ZNF709: variants seen among roughly 807,000 people sequenced by gnomAD.
The protein encoded by ZNF709 is zinc finger protein 709.
In ZNF709, 15 loss-of-function variants were observed where a neutral mutation model predicts 10.6. The observed-to-expected ratio is 1.41, with a 90% CI of 0.95 to 2.18. The LOEUF is 2.18. Ranked by LOEUF, ZNF709 falls within the 30% of genes most tolerant of loss-of-function variation. The pLI, the probability that ZNF709 is intolerant of heterozygous loss-of-function variation, is 0.00. For synonymous variants in ZNF709, 194 were observed against 238.8 expected (o/e 0.81, Z 1.73); for missense variants, 589 against 774.0 (o/e 0.76, Z 2.84).
chr19:12,465,777 T>C (rs1970565259), intron 3 of ZNF709, 44 bp from the exon 4 acceptor site: 1 of 1,312,060 alleles, frequency 7.6e-7, no homozygotes. Flanking sequence ...AGTGGCTTTT[T>C]AAAATTAATA....
At chr19:12,468,024 TG>T (rs1245747136) in intron 1 of ZNF709, among the ~76,000 whole-genome samples, 74 of 112,022 alleles carry the variant, frequency 6.6e-4, no homozygotes, top group African/African-American at 2.4e-3. Context: ...GGGAGGGAGG[TG>T]GGGGGTCAGC....
chr19:12,468,986 G>A (rs926320822), intron 1 of ZNF709, among the ~76,000 whole-genome samples: 2 of 151,722 alleles, frequency 1.3e-5, no homozygotes, highest in African/African-American at 2.4e-5. Flanking sequence ...GACTACTGGC[G>A]CCCGCCACTA....
chr19:12,467,962 C>T lies in ZNF709; in HGVS notation c.4-1112G>A, dbSNP rs2065766691. Among the ~76,000 whole-genome samples, 2 of 151,838 alleles carry T rather than the reference C, an allele frequency of 1.3e-5. 1 individual carries two copies. The highest frequency in any genetic ancestry group is 4.8e-5 in the African/African-American group (2 of 41,276). ...GTCAGCCCCCGCACGGCCAGCCGCC[C>T]CGTCCGGGAGGGAGGTGGGGGTCAG... On this transcript the variant is annotated intron_variant, in intron 1 of 3. Transcript: ENST00000397732.
intron 1 of ZNF709, among the ~76,000 whole-genome samples, chr19:12,483,735 C>T (rs977380015): frequency 1.3e-5 from 2 of 151,934 alleles, no homozygotes; most frequent in Non-Finnish European, 2.9e-5. Context: ...GACGGGGTTT[C>T]GCCATGTTGG....
chr19:12,464,459 G>T lies in ZNF709; in HGVS notation c.1463C>A (p.Ser488Tyr), dbSNP rs746415202. 2 of 1,612,088 alleles carry T rather than the reference G, an allele frequency of 1.2e-6. No individual in the cohort carries two copies. Among genetic ancestry groups the T allele is most frequent in the Non-Finnish European group, 1.7e-6 (2 of 1,179,158 alleles). The change falls in exon 4 of 4, where the codon TCT (serine) becomes TAT (tyrosine). Residue 488 changes from serine (S) to tyrosine (Y), a missense_variant. By Grantham distance (144) the Ser-to-Tyr change is moderately radical (BLOSUM62 -2). Around this residue, in one of 2 missense-constraint regions of ZNF709, gnomAD observed 171 missense variants for 277.7 expected, o/e 0.62. Transcript: ENST00000397732. ...CCTTTCATGCATCCGAAAGGAACTA[G>T]AAAAACTAAAGGCTTTACCACACTG... is the stretch of plus-strand genomic sequence containing the variant. ...CKQCGKAFSF[S>Y]SSFRMHERTH...
At chr19:12,471,986 TA>T (rs1970637798) in intron 1 of ZNF709, among the ~76,000 whole-genome samples, 1 of 151,514 alleles carries the variant, frequency 6.6e-6, no homozygotes, top group African/African-American at 2.4e-5. Flanking sequence ...AGGAAAAAAA[TA>T]TGTGACATAC....
At chr19:12,482,221 T>G (rs1198480840) in intron 1 of ZNF709, among the ~76,000 whole-genome samples, 1 of 151,148 alleles carries the variant, frequency 6.6e-6, no homozygotes, top group Non-Finnish European at 1.5e-5. Context: ...TCCCTCTCCC[T>G]CTCAAGTCAG....
At chr19:12,473,480 G>A (rs1214696282) in intron 1 of ZNF709, among the ~76,000 whole-genome samples, 1 of 152,146 alleles carries the variant, frequency 6.6e-6, no homozygotes, top group Non-Finnish European at 1.5e-5. Context: ...TAAGCCAGAG[G>A]AGAACATCAA....
intron 1 of ZNF709, among the ~76,000 whole-genome samples, chr19:12,480,422 G>A (rs565859286): frequency 4.6e-5 from 7 of 152,280 alleles, no homozygotes; most frequent in Middle Eastern, 3.4e-3. Flanking sequence ...AGTGGCTCAC[G>A]CCTGTAATCC....
In ZNF709 at chr19:12,484,735, C is replaced by T; in HGVS notation, c.-78G>A. The T allele has an allele frequency of 1.2e-6, 2 of 1,602,842 alleles. No homozygotes were observed. The highest frequency in any genetic ancestry group is 1.7e-6 in the Non-Finnish European group (2 of 1,170,226). On this transcript the variant is annotated 5_prime_UTR_variant, in exon 1 of 4. Coordinates refer to ENST00000397732, the MANE Select transcript of ZNF709 (RefSeq NM_152601.4). ...ACAGGTCCTACCTCCACCTGAGGCC[C>T]TTCCTCCACCTGAGGGCCTTCTGGG...
At chr19:12,481,494 C>T (rs1262758606) in intron 1 of ZNF709, among the ~76,000 whole-genome samples, 1 of 152,170 alleles carries the variant, frequency 6.6e-6, no homozygotes, top group African/African-American at 2.4e-5. Flanking sequence ...TCTGCCTCAG[C>T]CTCCCAAAGC....
In ZNF709 at chr19:12,465,633, TAA is replaced by T. The variant is rs759242650; in HGVS notation, c.287_288del (p.Phe96TyrfsTer2). 7 of 1,613,260 alleles carry T rather than the reference TAA, an allele frequency of 4.3e-6. No individual in the cohort carries two copies. Among genetic ancestry groups the T allele is most frequent in the East Asian group, 4.5e-5 (2 of 44,840 alleles). On this transcript the variant is annotated frameshift_variant, in exon 4 of 4. Transcript: ENST00000397732. LOFTEE classifies it low-confidence loss of function (END_TRUNC). ...CTACATTCATATGGTTTTACTCTAG[TAA>T]AAGTTTTCTTGTTTGGTTTAGGATT... The part of the protein sequence containing the change: ...TPNPKPNKKT[F>X]TRVKPYECSV...
chr19:12,465,621 G>T lies in ZNF709; in HGVS notation c.301C>A (p.Pro101Thr). Residue 101 changes from proline (P) to threonine (T), a missense_variant, in exon 4 of 4, where the codon CCA becomes ACA. Physicochemically the swap from Pro to Thr is conservative, Grantham distance 38. Transcript: ENST00000397732. Reference sequence around the variant, plus strand: ...TTTCCACACACACTACATTCATATGGTTTTACTCTAGTAAAAGTTTTCTTG... The same window carrying T: ...TTTCCACACACACTACATTCATATGTTTTTACTCTAGTAAAAGTTTTCTTG... ...PNKKTFTRVKPYECSVCGKDY... is the reference protein window; with the variant it reads ...PNKKTFTRVKTYECSVCGKDY... 1 of 1,613,412 alleles carries T rather than the reference G, an allele frequency of 6.2e-7. No homozygotes were observed. Among genetic ancestry groups the T allele is most frequent in the Non-Finnish European group, 8.5e-7 (1 of 1,179,884 alleles).
chr19:12,469,413 G>A (rs1478996019), intron 1 of ZNF709, among the ~76,000 whole-genome samples: 1 of 152,130 alleles, frequency 6.6e-6, no homozygotes, highest in Non-Finnish European at 1.5e-5. Context: ...GATGGAGGCA[G>A]GAGGTTACTG....
rs999501468 is a variant in ZNF709 at position 12,461,205 on chromosome 19, T to A, written c.*2791A>T. The A allele has an allele frequency of 1.3e-5, 2 of 152,236 alleles. No individual in the cohort carries two copies. Among genetic ancestry groups the A allele is most frequent in the African/African-American group, 4.8e-5 (2 of 41,454 alleles). 9.4% of individuals were successfully genotyped at this position (152,236 alleles called of 1,614,324 possible). On this transcript the variant is annotated 3_prime_UTR_variant, in exon 4 of 4. Transcript: ENST00000397732. ...AATCTATAATTGCAATGGAATATTTTAATATATCCTTGCAGAAAATTAAAT... is the reference window on the plus strand; with the variant it reads ...AATCTATAATTGCAATGGAATATTTAAATATATCCTTGCAGAAAATTAAAT...
chr19:12,483,889 A>C (rs569787571), intron 1 of ZNF709, among the ~76,000 whole-genome samples: 1 of 126,686 alleles, frequency 7.9e-6, no homozygotes, highest in East Asian at 2.0e-4. Flanking sequence ...TCCAAAAAGG[A>C]GACTCAACCC....
chr19:12,478,912 G>A (rs1423089), intron 1 of ZNF709, among the ~76,000 whole-genome samples: 54,487 of 152,068 alleles, frequency 0.36, 11,927 homozygotes, highest in Non-Finnish European at 0.49. Flanking sequence ...AAAACATGCA[G>A]AGTCCAACTA....
intron 1 of ZNF709, among the ~76,000 whole-genome samples, chr19:12,476,727 G>A (rs1320535823): frequency 6.6e-6 from 1 of 152,214 alleles, no homozygotes; most frequent in Non-Finnish European, 1.5e-5. Flanking sequence ...TAGTCAGAGG[G>A]ACAATAGCTA....
chr19:12,468,180 C>T (rs541205522), intron 1 of ZNF709, among the ~76,000 whole-genome samples: 5 of 152,316 alleles, frequency 3.3e-5, no homozygotes, highest in Non-Finnish European at 5.9e-5. Context: ...GCCACCACCC[C>T]GTCTGGGAGG....
Sources: allele counts gnomAD v4.1 joint callset (sites outside exome capture counted in the v4.1 genomes callset), GRCh38; gene constraint gnomAD v4.1.1; regional missense constraint gnomAD v4.1.1; transcripts MANE v1.5; gene names NCBI Gene and HGNC (gene_info 2026-07-23, HGNC 2026-07-21).